The following SRGAP3 variants were observed in gnomAD, a reference collection of about 807,000 sequenced individuals.
The protein encoded by SRGAP3 is SLIT-ROBO Rho GTPase-activating protein 3.
A neutral mutation model predicts 121.1 loss-of-function variants in SRGAP3; 39 were observed. That is an observed-to-expected ratio of 0.32 (90% CI 0.25 to 0.42). The LOEUF is 0.42. Ranked by LOEUF, SRGAP3 falls within the 10% of genes least tolerant of loss-of-function variation. SRGAP3 has a pLI of 1.00. For synonymous variants in SRGAP3, 601 were observed against 570.0 expected, an observed-to-expected ratio of 1.05 and a Z score of -0.77; for missense variants, 1,213 against 1,470.6, an observed-to-expected ratio of 0.82 and a Z score of 2.86.
rs2030152642 is a variant in SRGAP3 at position 9,351,525 on chromosome 3, G to T, written n.214+11315C>A. ...CCTCAATAAGGTCAGTAGAGTTAGA[G>T]GGATTGAACCCCATATTCCCTCCTC... is the stretch of plus-strand genomic sequence containing the variant. On this transcript the variant is annotated intron_variant and non_coding_transcript_variant, in intron 1 of 3. Coordinates refer to the SRGAP3 transcript ENST00000490889. Among the ~76,000 whole-genome samples, 4 of 152,164 alleles carry T rather than the reference G, an allele frequency of 2.6e-5. No homozygotes were observed. In the South Asian group the frequency reaches 8.3e-4, roughly 32 times the overall value.
Position 8,981,875 on chromosome 3 carries a change from A to G in SRGAP3, c.*3644T>C. 1 of 228,476 alleles carries G rather than the reference A, an allele frequency of 4.4e-6. No individual in the cohort carries two copies. Among genetic ancestry groups the G allele is most frequent in the Non-Finnish European group, 8.7e-6 (1 of 114,948 alleles). 14.2% of individuals were successfully genotyped at this position (228,476 alleles called of 1,614,324 possible). On this transcript the variant is annotated 3_prime_UTR_variant, in exon 22 of 22. Coordinates refer to ENST00000383836, the MANE Select transcript of SRGAP3 (RefSeq NM_014850.4). ...CTGGTGACTTCAGAGAAAAGACTCC[A>G]AAGTCTAATTCCCAAGCTCGCAATT... is the stretch of plus-strand genomic sequence containing the variant.
At chr3:9,119,034 G>A (rs908954540) in intron 2 of SRGAP3, among the ~76,000 whole-genome samples, 2 of 152,170 alleles carry the variant, frequency 1.3e-5, no homozygotes, top group African/African-American at 4.8e-5. Context: ...CCTGTGAGAG[G>A]TGCTAGGGAC....
intron 8 of SRGAP3, among the ~76,000 whole-genome samples, chr3:9,054,937 C>T (rs573532097): frequency 1.3e-5 from 2 of 152,298 alleles, no homozygotes; most frequent in Non-Finnish European, 2.9e-5. Flanking sequence ...CATTCAAGCC[C>T]GTTAGCAGCT....
rs562898828 is a variant in SRGAP3 at position 9,041,555 on chromosome 3, T to C, written c.1409-3465A>G. Among the ~76,000 whole-genome samples, 27 of 152,364 alleles carry C rather than the reference T, an allele frequency of 1.8e-4. 1 individual carries two copies. Among genetic ancestry groups the C allele is most frequent in the Admixed American group, 1.8e-3 (27 of 15,312 alleles). On this transcript the variant is annotated intron_variant, in intron 10 of 21. Coordinates refer to ENST00000383836, the MANE Select transcript of SRGAP3 (RefSeq NM_014850.4). Reference sequence around the variant, plus strand: ...CACTGCGTGAGCTTGGACAAGCCACTTCCTTTCTTTGGGCCTCCATATCCT... The same window carrying C: ...CACTGCGTGAGCTTGGACAAGCCACCTCCTTTCTTTGGGCCTCCATATCCT...
At chr3:9,129,793 G>T (rs1949375655) in intron 1 of SRGAP3, among the ~76,000 whole-genome samples, 1 of 149,610 alleles carries the variant, frequency 6.7e-6, no homozygotes. Context: ...ACAGAGTCTT[G>T]CTCTGTCGCC....
At chr3:9,296,412 T>G (rs1265352392) in intron 3 of SRGAP3, among the ~76,000 whole-genome samples, 6 of 152,262 alleles carry the variant, frequency 3.9e-5, no homozygotes, top group Admixed American at 6.5e-5. Flanking sequence ...TCTTTTCATG[T>G]GCTTATTGGC....
chr3:9,148,536 G>A (rs1950101133), intron 1 of SRGAP3, among the ~76,000 whole-genome samples: 2 of 152,208 alleles, frequency 1.3e-5, no homozygotes, highest in Non-Finnish European at 2.9e-5. Flanking sequence ...ATTTGAAACA[G>A]GGTACCCCCA....
At chr3:9,077,409 T>G (rs755417019) in intron 4 of SRGAP3, among the ~76,000 whole-genome samples, 1 of 152,128 alleles carries the variant, frequency 6.6e-6, no homozygotes, top group South Asian at 2.1e-4. Flanking sequence ...TACTAAAGAC[T>G]CAGTGTGCAG....
chr3:9,098,351 AG>A (rs1305436526), intron 3 of SRGAP3, among the ~76,000 whole-genome samples: 1 of 152,198 alleles, frequency 6.6e-6, no homozygotes, highest in East Asian at 1.9e-4. Flanking sequence ...AGCTCACAGC[AG>A]CTTCAACTTC....
chr3:9,312,084 T>C (rs182338857), intron 3 of SRGAP3, among the ~76,000 whole-genome samples: 3 of 152,374 alleles, frequency 2.0e-5, no homozygotes, highest in Admixed American at 2.0e-4. Flanking sequence ...CACAGTTTTC[T>C]TTCATTACTC....
intron 3 of SRGAP3, among the ~76,000 whole-genome samples, chr3:9,275,394 C>A (rs1264730939): frequency 6.6e-6 from 1 of 152,058 alleles, no homozygotes; most frequent in African/African-American, 2.4e-5. Context: ...TAATGGAGTA[C>A]AACCATCTAT....
At chr3:9,011,938 G>C (rs1943400009) in intron 17 of SRGAP3, among the ~76,000 whole-genome samples, 1 of 152,188 alleles carries the variant, frequency 6.6e-6, no homozygotes, top group African/African-American at 2.4e-5. Flanking sequence ...AGATCTGTGG[G>C]TCCCTTCCCA....
At chr3:9,030,597 T>C (rs1944437581) in intron 12 of SRGAP3, among the ~76,000 whole-genome samples, 1 of 152,194 alleles carries the variant, frequency 6.6e-6, no homozygotes, top group South Asian at 2.1e-4. Context: ...CAAACACTCA[T>C]GTGGTTGACT....
chr3:9,155,347 T>C (rs752525575), intron 1 of SRGAP3, among the ~76,000 whole-genome samples: 2 of 152,250 alleles, frequency 1.3e-5, no homozygotes, highest in Non-Finnish European at 2.9e-5. Flanking sequence ...GAGGTTTGCA[T>C]TTTGAAGTTG....
At chr3:9,200,543 C>T (rs999841366) in intron 1 of SRGAP3, among the ~76,000 whole-genome samples, 2 of 152,118 alleles carry the variant, frequency 1.3e-5, no homozygotes, top group African/African-American at 4.8e-5. Flanking sequence ...AATTCTGCCC[C>T]CAAAAAGGCG....
At chr3:9,219,750 T>C (rs1952744986) in intron 1 of SRGAP3, among the ~76,000 whole-genome samples, 1 of 151,992 alleles carries the variant, frequency 6.6e-6, no homozygotes, top group Non-Finnish European at 1.5e-5. Flanking sequence ...ACTCATGAGG[T>C]TGAGGCAGGA....
At chr3:8,992,720 T>C (rs561683874) in intron 20 of SRGAP3, 186 bp downstream of exon 20, 2 of 891,834 alleles carry the variant, frequency 2.2e-6, no homozygotes, top group South Asian at 2.8e-5. Flanking sequence ...CAACACAGGC[T>C]GGATGGTTCT....
intron 1 of SRGAP3, among the ~76,000 whole-genome samples, chr3:9,241,848 G>A (rs777967458): frequency 5.3e-5 from 8 of 152,010 alleles, no homozygotes; most frequent in Non-Finnish European, 8.8e-5. Flanking sequence ...AGGCCAAGAC[G>A]GGTGGATTGC....
At chr3:9,275,688 C>G (rs550715915) in intron 3 of SRGAP3, among the ~76,000 whole-genome samples, 1 of 152,174 alleles carries the variant, frequency 6.6e-6, no homozygotes, top group South Asian at 2.1e-4. Context: ...CTCTTACCTG[C>G]TGCCATGTAA....
Sources: allele counts gnomAD v4.1 joint callset (sites outside exome capture counted in the v4.1 genomes callset), GRCh38; gene constraint gnomAD v4.1.1; transcripts MANE v1.5; gene names NCBI Gene and HGNC (gene_info 2026-07-23, HGNC 2026-07-21).